The following PIAS2 variants were observed in gnomAD, a reference collection of about 807,000 sequenced individuals.
PIAS2 encodes protein inhibitor of activated STAT 2.
Under a neutral mutation model 69.7 loss-of-function variants are expected in PIAS2, and 19 were observed. The observed-to-expected ratio is 0.27, with a 90% CI of 0.19 to 0.40. PIAS2 has a LOEUF of 0.40. Among genes scored for constraint, PIAS2 ranks in the 10% least tolerant of loss-of-function variants. The probability of loss-of-function intolerance (pLI) is 1.00; values close to 1 mark genes in which losing one functional copy is unlikely to be tolerated. For synonymous variants in PIAS2, 261 were observed against 263.2 expected, an observed-to-expected ratio of 0.99 and a Z score of 0.08; for missense variants, 624 against 757.0, an observed-to-expected ratio of 0.82 and a Z score of 2.06.
At chr18:46,861,042 G>A (rs1255088204) in intron 3 of PIAS2, among the ~76,000 whole-genome samples, 3 of 152,044 alleles carry the variant, frequency 2.0e-5, no homozygotes, top group South Asian at 2.1e-4. Flanking sequence ...CACTTTGGGA[G>A]GCCGAGGCAG....
At chr18:46,910,264 T>C (rs1327238904) in intron 1 of PIAS2, among the ~76,000 whole-genome samples, 2 of 152,196 alleles carry the variant, frequency 1.3e-5, no homozygotes, top group Non-Finnish European at 1.5e-5. Flanking sequence ...GCTACTGTCA[T>C]TGGTGAAGGT....
At chr18:46,864,849 T>C (rs1443726538) in intron 2 of PIAS2, among the ~76,000 whole-genome samples, 2 of 152,084 alleles carry the variant, frequency 1.3e-5, no homozygotes, top group Non-Finnish European at 2.9e-5. Context: ...AACTATAATA[T>C]TATCTAATGA....
At chr18:46,860,671 C>T (rs988514883) in intron 3 of PIAS2, among the ~76,000 whole-genome samples, 40 of 152,082 alleles carry the variant, frequency 2.6e-4, no homozygotes, top group African/African-American at 3.6e-4. Context: ...CTGTTATAAA[C>T]GAATAAACGG....
At chr18:46,818,875 A>G (rs1408000398) in intron 12 of PIAS2, among the ~76,000 whole-genome samples, 3 of 152,104 alleles carry the variant, frequency 2.0e-5, no homozygotes, top group African/African-American at 4.8e-5. Context: ...TGTTTGCTCA[A>G]TATCAGCTTG....
chr18:46,897,692 TCAATAAACAAGAAAAGAAAGAA>T (rs1382511711), intron 1 of PIAS2, among the ~76,000 whole-genome samples: 1 of 152,162 alleles, frequency 6.6e-6, no homozygotes, highest in African/African-American at 2.4e-5. Flanking sequence ...ATGAAATCTC[TCAATAAACAAGAAAAGAAAGAA>T]ATTCTGTTAA....
chr18:46,856,779 G>C (rs184317645), intron 3 of PIAS2, among the ~76,000 whole-genome samples: 2 of 152,334 alleles, frequency 1.3e-5, no homozygotes, highest in Admixed American at 1.3e-4. Context: ...GATCACTAGA[G>C]TGTAGTCCTT....
intron 3 of PIAS2, among the ~76,000 whole-genome samples, chr18:46,862,569 C>A (rs546359315): frequency 2.0e-5 from 3 of 152,024 alleles, no homozygotes; most frequent in African/African-American, 7.2e-5. Context: ...TTTAAGAATG[C>A]AACTTTAAAG....
chr18:46,880,627 G>T (rs1462780459), intron 2 of PIAS2, among the ~76,000 whole-genome samples: 1 of 152,112 alleles, frequency 6.6e-6, no homozygotes, highest in Non-Finnish European at 1.5e-5. Flanking sequence ...TAAAAATTGG[G>T]ACAAAAAATT....
chr18:46,805,218 G>C lies in PIAS2; in HGVS notation c.*7215C>G, dbSNP rs760825329. 2.0e-5 allele frequency: 3 copies of C among 152,194 alleles called. No individual in the cohort carries two copies. Among genetic ancestry groups the C allele is most frequent in the Non-Finnish European group, 2.9e-5 (2 of 68,036 alleles). 9.4% of individuals were successfully genotyped at this position (152,194 alleles called of 1,614,324 possible). ...GTCGGAGGATGGATAGGTTACTGAG[G>C]ATTTCTTCAAGGCTGCAATAATGAA... On this transcript the variant is annotated 3_prime_UTR_variant, in exon 14 of 14. Transcript: ENST00000585916.
At chr18:46,853,015 AC>A (rs1478065996) in intron 5 of PIAS2, 3 of 152,380 alleles carry the variant, frequency 2.0e-5, no homozygotes, top group African/African-American at 7.2e-5. Context: ...AGTGGCTCAC[AC>A]CTGTAATCCC....
At chr18:46,815,616 C>T (rs1384194303) in intron 12 of PIAS2, 2 of 1,102,084 alleles carry the variant, frequency 1.8e-6, no homozygotes, top group Admixed American at 5.0e-5. Flanking sequence ...CTAGTCAAAA[C>T]AAATATTTCC....
At chr18:46,884,469 C>G (rs571061296) in intron 2 of PIAS2, among the ~76,000 whole-genome samples, 1 of 152,068 alleles carries the variant, frequency 6.6e-6, no homozygotes, top group East Asian at 2.0e-4. Context: ...CCCGCCACCA[C>G]GCCGGCTAAT....
intron 1 of PIAS2, among the ~76,000 whole-genome samples, chr18:46,898,949 T>G (rs1337749207): frequency 1.3e-5 from 2 of 150,920 alleles, no homozygotes; most frequent in Admixed American, 1.3e-4. Flanking sequence ...TAGCCGAGAT[T>G]GCACCACTGC....
intron 2 of PIAS2, among the ~76,000 whole-genome samples, chr18:46,878,371 A>T (rs1266409009): frequency 6.6e-6 from 1 of 152,208 alleles, no homozygotes; most frequent in Non-Finnish European, 1.5e-5. Context: ...TTCAGGAAAA[A>T]ACAAGCAGTT....
chr18:46,880,966 T>G (rs554127124), intron 2 of PIAS2, among the ~76,000 whole-genome samples: 1 of 152,366 alleles, frequency 6.6e-6, no homozygotes, highest in African/African-American at 2.4e-5. Flanking sequence ...TAATCAGATT[T>G]AAATAGAACA....
rs1445101272 is a variant in PIAS2, at chr18:46,811,256, T to TA, written c.*1176dup. 1.3e-5 allele frequency: 2 copies of TA among 149,036 alleles called. No individual in the cohort carries two copies. The highest frequency in any genetic ancestry group is 2.5e-5 in the African/African-American group (1 of 40,460). 9.2% of individuals were successfully genotyped at this position (149,036 alleles called of 1,614,324 possible). A position where few individuals can be genotyped will look rare whatever the true frequency, so the allele number is the denominator to read the frequency against. On this transcript the variant is annotated 3_prime_UTR_variant, in exon 14 of 14. Coordinates refer to ENST00000585916, the MANE Select transcript of PIAS2 (RefSeq NM_004671.5). ...TGTAGTTTCAGGTAAGATATCATTT[T>TA]AAAAAAATGAAAAAAAAAAAAAATC...
At chr18:46,818,423 T>C (rs768448081) in intron 12 of PIAS2, 2 of 1,581,926 alleles carry the variant, frequency 1.3e-6, no homozygotes, top group South Asian at 1.2e-5. Flanking sequence ...CAGTTCATTA[T>C]TAATATCATT....
intron 3 of PIAS2, among the ~76,000 whole-genome samples, chr18:46,857,672 G>C (rs578146436): frequency 6.6e-6 from 1 of 152,292 alleles, no homozygotes; most frequent in South Asian, 2.1e-4. Flanking sequence ...AAAGGGTTTT[G>C]AACAGCTCAC....
intron 2 of PIAS2, among the ~76,000 whole-genome samples, chr18:46,873,407 T>G (rs1743454635): frequency 6.6e-6 from 1 of 152,092 alleles, no homozygotes; most frequent in Non-Finnish European, 1.5e-5. Context: ...AAACAGGACA[T>G]CTATTCATAG....
Sources: allele counts gnomAD v4.1 joint callset (sites outside exome capture counted in the v4.1 genomes callset), GRCh38; gene constraint gnomAD v4.1.1; transcripts MANE v1.5; gene names NCBI Gene and HGNC (gene_info 2026-07-23, HGNC 2026-07-21).